Variants in ARHGAP39 observed in about 807,000 individuals in gnomAD.
The protein encoded by ARHGAP39 is rho GTPase-activating protein 39.
In ARHGAP39, 44 loss-of-function variants were observed where a neutral mutation model predicts 106.9. The ratio of observed to expected loss-of-function variants is 0.41; its 90% CI spans 0.32 to 0.53. The LOEUF (loss-of-function observed/expected upper bound fraction) is 0.53. ARHGAP39 is among the 20% of genes least tolerant of loss of function. The pLI, the probability that ARHGAP39 is intolerant of heterozygous loss-of-function variation, is 0.21. For synonymous variants in ARHGAP39, 768 were observed against 693.2 expected (o/e 1.11, Z -1.69); for missense variants, 1,496 against 1,577.3 (o/e 0.95, Z 0.87).
intron 1 of ARHGAP39, among the ~76,000 whole-genome samples, chr8:144,677,150 G>A (rs183638292): frequency 1.3e-5 from 2 of 152,342 alleles, no homozygotes; most frequent in African/African-American, 4.8e-5. Context: ...TCCATTGCAG[G>A]AATGGACCAC....
At chr8:144,677,580 G>A (rs1013446010) in intron 1 of ARHGAP39, among the ~76,000 whole-genome samples, 3 of 152,224 alleles carry the variant, frequency 2.0e-5, no homozygotes, top group East Asian at 1.9e-4. Flanking sequence ...AATACAGTGC[G>A]GCCATGGAAA....
rs191908897 is a variant in ARHGAP39 at position 144,546,718 on chromosome 8, G to A, written c.1959+409C>T. 2.1e-3 allele frequency among the ~76,000 whole-genome samples: 322 copies of A among 152,276 alleles called. 1 individual carries two copies. Among genetic ancestry groups the A allele is most frequent in the African/African-American group, 7.3e-3 (305 of 41,562 alleles). Reference sequence around the variant, plus strand: ...AGTTCTTCCTACCCGAGGGAGCCTCGGGGACTGGCTTTGAGAACCACCAGG... The same window carrying A: ...AGTTCTTCCTACCCGAGGGAGCCTCAGGGACTGGCTTTGAGAACCACCAGG... On this transcript the variant is annotated intron_variant, in intron 5 of 11. Coordinates refer to ENST00000377307, the MANE Select transcript of ARHGAP39 (RefSeq NM_025251.3).
At chr8:144,590,991 C>G (rs1374002315) in intron 2 of ARHGAP39, among the ~76,000 whole-genome samples, 1 of 152,216 alleles carries the variant, frequency 6.6e-6, no homozygotes, top group East Asian at 1.9e-4. Context: ...GTCATTATAC[C>G]CTTGACACCT....
chr8:144,530,915 C>A, intron 10 of ARHGAP39, 44 bp from the exon 11 acceptor site: 1 of 1,575,818 alleles, frequency 6.3e-7, no homozygotes, highest in Non-Finnish European at 8.6e-7. Context: ...TCGGCGGGCA[C>A]CCCTGGGCCA....
intron 4 of ARHGAP39, among the ~76,000 whole-genome samples, chr8:144,551,801 C>A (rs1817702315): frequency 6.6e-6 from 1 of 152,206 alleles, no homozygotes; most frequent in African/African-American, 2.4e-5. Context: ...GGAGCAAGCA[C>A]CCATGGCTCA....
rs1270820103 is a variant in ARHGAP39, at chr8:144,545,384, A to T, written c.2386T>A (p.Phe796Ile). 1 of 1,597,926 alleles carries T rather than the reference A, an allele frequency of 6.3e-7. No individual in the cohort carries two copies. The highest frequency in any genetic ancestry group is 8.5e-7 in the Non-Finnish European group (1 of 1,171,078). Residue 796 changes from phenylalanine to isoleucine, a missense_variant, in exon 6 of 12, where the codon TTC becomes ATC. Physicochemically the swap from Phe to Ile is conservative, Grantham distance 21. This residue lies in a region of ARHGAP39 where 470 missense variants were observed against 605.1 expected (regional missense o/e 0.78). Transcript: ENST00000377307. ...IQLCRQTTENFRLESLARGWE... is the reference protein window; with the variant it reads ...IQLCRQTTENIRLESLARGWE... ...CCGCGGGCCAGGCTCTCCAGGCGGA[A>T]GTTCTCGGTGGTCTGCCGGCACAGC...
chr8:144,548,074 CG>C lies in ARHGAP39; in HGVS notation c.1011del (p.Gly339AlafsTer45). On this transcript the variant is annotated frameshift_variant, in exon 5 of 12. Coordinates refer to ENST00000377307, the MANE Select transcript of ARHGAP39 (RefSeq NM_025251.3). LOFTEE classifies it high-confidence loss of function. The surrounding 1 kb of genome is among the most constrained non-coding windows in gnomAD (Gnocchi z 7.4). ...EPPMDVQFEAGGGYQAGSPQR... is the reference protein window; with the variant it reads ...EPPMDVQFEAXGGYQAGSPQR... ...TGGGGAGAGCCGGCCTGGTAGCCCC[CG>C]CCAGCCTCGAATTGCACGTCCATGG... The C allele has an allele frequency of 6.3e-7, 1 of 1,594,374 alleles. No homozygotes were observed.
chr8:144,569,653 A>AAC (rs1474000623), intron 3 of ARHGAP39, among the ~76,000 whole-genome samples: 2 of 152,170 alleles, frequency 1.3e-5, no homozygotes, highest in East Asian at 3.8e-4. Context: ...GTGGGAGGGG[A>AAC]ACAGGAGGGC....
At chr8:144,532,466 T>C in intron 9 of ARHGAP39, 70 bp from the exon 10 acceptor site, 3 of 1,393,722 alleles carry the variant, frequency 2.2e-6, no homozygotes, top group Non-Finnish European at 3.0e-6. Context: ...GCCTGGACAC[T>C]CCCTCCGGTA....
chr8:144,652,135 T>C (rs1481264952), intron 1 of ARHGAP39, among the ~76,000 whole-genome samples: 4 of 151,880 alleles, frequency 2.6e-5, no homozygotes, highest in African/African-American at 9.7e-5. Context: ...AGGCAACCTA[T>C]AGAATGGGAG....
chr8:144,637,770 G>C (rs1245591578), intron 1 of ARHGAP39, among the ~76,000 whole-genome samples: 1 of 151,704 alleles, frequency 6.6e-6, no homozygotes, highest in Non-Finnish European at 1.5e-5. Context: ...GCACCATCAT[G>C]CCTCACAGCA....
chr8:144,550,130 C>T (rs887297258), intron 4 of ARHGAP39, among the ~76,000 whole-genome samples: 12 of 151,682 alleles, frequency 7.9e-5, no homozygotes, highest in African/African-American at 2.4e-4. Flanking sequence ...ACCAATTAGC[C>T]GAACATGGTG....
chr8:144,571,456 G>A (rs925696027), intron 3 of ARHGAP39, among the ~76,000 whole-genome samples: 11 of 152,016 alleles, frequency 7.2e-5, no homozygotes, highest in Admixed American at 1.3e-4. Flanking sequence ...ATAAAACCTC[G>A]CAATAAACTA....
intron 1 of ARHGAP39, among the ~76,000 whole-genome samples, chr8:144,678,295 T>C (rs1424452801): frequency 2.0e-5 from 3 of 149,348 alleles, no homozygotes; most frequent in Non-Finnish European, 3.0e-5. Context: ...AAAATACAAA[T>C]GTATCTGCTG....
chr8:144,676,559 T>A (rs1038445911), intron 1 of ARHGAP39, among the ~76,000 whole-genome samples: 4 of 152,188 alleles, frequency 2.6e-5, no homozygotes, highest in African/African-American at 9.7e-5. Flanking sequence ...CTGATTGGTG[T>A]GTTTACAAAC....
intron 6 of ARHGAP39, among the ~76,000 whole-genome samples, chr8:144,538,547 A>AT (rs1490915471): frequency 6.6e-6 from 1 of 152,126 alleles, no homozygotes; most frequent in Non-Finnish European, 1.5e-5. Context: ...TTACTCATTT[A>AT]TATCAGTATG....
chr8:144,632,309 G>A (rs558077971), intron 1 of ARHGAP39, among the ~76,000 whole-genome samples: 50 of 152,056 alleles, frequency 3.3e-4, no homozygotes, highest in Admixed American at 7.2e-4. Context: ...CCAGAGCACC[G>A]TCATCCTCCA....
chr8:144,581,146 T>A lies in ARHGAP39; in HGVS notation c.212A>T (p.Glu71Val). Residue 71 changes from glutamate (E) to valine (V), a missense_variant, in exon 3 of 12, where the codon GAG (glutamate) becomes GTG (valine). Coordinates refer to ENST00000377307, the MANE Select transcript of ARHGAP39 (RefSeq NM_025251.3). Reference protein sequence around the residue: ...IKRTSENQWWELFDPNTSRFY... With the variant: ...IKRTSENQWWVLFDPNTSRFY... ...GCGGGACGTGTTGGGGTCGAACAGC[T>A]CCCACCACTGGTTCTCGCTGGTGCG... 1 of 1,581,056 alleles carries A rather than the reference T, an allele frequency of 6.3e-7. No individual in the cohort carries two copies.
At chr8:144,656,513 G>A (rs1821702094) in intron 1 of ARHGAP39, among the ~76,000 whole-genome samples, 1 of 152,016 alleles carries the variant, frequency 6.6e-6, no homozygotes. Context: ...TCAAAAGTTA[G>A]TCTAAGGGGC....
Sources: gnomAD v4.1 joint callset for allele counts (sites outside exome capture counted in the v4.1 genomes callset) on GRCh38, gnomAD v4.1.1 for gene constraint, gnomAD v4.1.1 regional missense constraint, Gnocchi (gnomAD v3.1) non-coding constraint, MANE v1.5 for transcripts, NCBI Gene and HGNC (gene_info 2026-07-23, HGNC 2026-07-21) for gene names.